The following ITGB8 variants were observed in gnomAD, a reference collection of about 807,000 sequenced individuals.
ITGB8 encodes the protein integrin subunit beta 8, also known as integrin beta-8.
ITGB8 carries 30 observed loss-of-function variants against 89.5 expected under a neutral mutation model. The ratio of observed to expected loss-of-function variants is 0.34; its 90% CI spans 0.25 to 0.45. ITGB8 has a LOEUF of 0.45. ITGB8 is among the 20% of genes least tolerant of loss of function. The pLI, the probability that ITGB8 is intolerant of heterozygous loss-of-function variation, is 1.00. For missense variants in ITGB8, 836 were observed against 933.3 expected, an observed-to-expected ratio of 0.90 and a Z score of 1.36; for synonymous variants, 335 against 320.4, an observed-to-expected ratio of 1.05 and a Z score of -0.49.
intron 3 of ITGB8, chr7:20,377,497 G>A (rs1315893684): frequency 5.3e-5 from 8 of 152,128 alleles, no homozygotes; most frequent in African/African-American, 1.2e-4. Context: ...ACTTCTCATC[G>A]ATCTGGCCCA....
chr7:20,332,489 G>A (rs547806595), intron 1 of ITGB8, among the ~76,000 whole-genome samples: 1 of 88,000 alleles, frequency 1.1e-5, no homozygotes, highest in African/African-American at 6.9e-5. Flanking sequence ...TCATCCTTTC[G>A]GCTTAAAAAA....
intron 10 of ITGB8, 72 bp from the exon 11 acceptor site, chr7:20,404,556 A>C: frequency 1.6e-6 from 2 of 1,262,764 alleles, no homozygotes; most frequent in East Asian, 2.5e-5. Flanking sequence ...ATGATACAGG[A>C]ATCCATGGTT....
intron 1 of ITGB8, among the ~76,000 whole-genome samples, chr7:20,342,457 A>G (rs6461491): frequency 0.93 from 141,617 of 152,294 alleles, 65,971 homozygotes; most frequent in East Asian, 0.99. Flanking sequence ...CTAGGCCTCT[A>G]AGGATGCTGT....
rs1787811526 is a variant in ITGB8 at position 20,412,863 on chromosome 7, A to G, written c.*2866A>G. 6.6e-6 allele frequency: 1 copy of G among 152,624 alleles called. No homozygotes were observed. Among genetic ancestry groups the G allele is most frequent in the African/African-American group, 2.4e-5 (1 of 41,458 alleles). 9.5% of individuals were successfully genotyped at this position (152,624 alleles called of 1,614,324 possible). On this transcript the variant is annotated 3_prime_UTR_variant, in exon 14 of 14. Coordinates refer to ENST00000222573, the MANE Select transcript of ITGB8 (RefSeq NM_002214.3). ...TAGGTTAAATAATGTATGCAAATAGAGTCTATTTTCAACTAATATGGCCAC... is the reference window on the plus strand; with the variant it reads ...TAGGTTAAATAATGTATGCAAATAGGGTCTATTTTCAACTAATATGGCCAC...
chr7:20,415,515 G>A lies in ITGB8; in HGVS notation c.*5518G>A, dbSNP rs1271298748. On this transcript the variant is annotated 3_prime_UTR_variant, in exon 14 of 14. Coordinates refer to ENST00000222573, the MANE Select transcript of ITGB8 (RefSeq NM_002214.3). ...GTCTTAAATGATACAGAATATTGGA[G>A]AATATGATACTTTCACATAATATAC... The A allele has an allele frequency of 6.6e-6, 1 of 152,448 alleles. No individual in the cohort carries two copies. The highest frequency in any genetic ancestry group is 1.5e-5 in the Non-Finnish European group (1 of 67,950). 9.4% of individuals were successfully genotyped at this position (152,448 alleles called of 1,614,324 possible). A position where few individuals can be genotyped will look rare whatever the true frequency, so the allele number is the denominator to read the frequency against.
intron 2 of ITGB8, among the ~76,000 whole-genome samples, chr7:20,364,075 C>T (rs552968330): frequency 9.8e-4 from 149 of 152,152 alleles, no homozygotes; most frequent in Non-Finnish European, 1.7e-3. Flanking sequence ...GTTATGTATC[C>T]TGTTGTTCAA....
chr7:20,366,916 TATAAA>T (rs1785720379), intron 2 of ITGB8, 91 bp from the exon 3 acceptor site: 2 of 798,814 alleles, frequency 2.5e-6, no homozygotes, highest in Non-Finnish European at 4.0e-6. Flanking sequence ...ATTAAAATGA[TATAAA>T]ATACCAAAAA....
Position 20,411,056 on chromosome 7 carries a change from A to T in ITGB8, c.*1059A>T, listed in dbSNP as rs1787742424. 1 of 152,110 alleles carries T rather than the reference A, an allele frequency of 6.6e-6. No individual in the cohort carries two copies. Among genetic ancestry groups the T allele is most frequent in the Admixed American group, 6.5e-5 (1 of 15,270 alleles). The allele number at this position is 152,110 out of a possible 1,614,324, so 9.4% of individuals were successfully genotyped here. On this transcript the variant is annotated 3_prime_UTR_variant, in exon 14 of 14. Coordinates refer to ENST00000222573, the MANE Select transcript of ITGB8 (RefSeq NM_002214.3). Reference sequence around the variant, plus strand: ...TATCTTCTCCCTTCAAGGCAGCCTAAGGATGTTCTTTCCCAGAATCACTCC... The same window carrying T: ...TATCTTCTCCCTTCAAGGCAGCCTATGGATGTTCTTTCCCAGAATCACTCC...
chr7:20,414,557 G>A lies in ITGB8; in HGVS notation c.*4560G>A, dbSNP rs1197982804. 2 of 152,422 alleles carry A rather than the reference G, an allele frequency of 1.3e-5. No homozygotes were observed. The highest frequency in any genetic ancestry group is 6.6e-5 in the Admixed American group (1 of 15,252). 9.4% of individuals were successfully genotyped at this position (152,422 alleles called of 1,614,324 possible). On this transcript the variant is annotated 3_prime_UTR_variant, in exon 14 of 14. Coordinates refer to ENST00000222573, the MANE Select transcript of ITGB8 (RefSeq NM_002214.3). Reference sequence around the variant, plus strand: ...GGTTTTGCAGCATCTTACATGTCTTGTATCAATGGCAGGAGAAAAATATGA... The same window carrying A: ...GGTTTTGCAGCATCTTACATGTCTTATATCAATGGCAGGAGAAAAATATGA...
chr7:20,356,970 A>G (rs914723011), intron 1 of ITGB8, among the ~76,000 whole-genome samples: 2 of 152,194 alleles, frequency 1.3e-5, no homozygotes, highest in African/African-American at 2.4e-5. Context: ...GCATCATCAA[A>G]AACAAAGAAT....
chr7:20,340,016 C>T (rs1055215716), intron 1 of ITGB8, among the ~76,000 whole-genome samples: 2 of 152,066 alleles, frequency 1.3e-5, no homozygotes, highest in Admixed American at 6.5e-5. Flanking sequence ...AGAGAAAAAG[C>T]GAGACTTTGT....
In ITGB8 at chr7:20,412,698, T is replaced by G. The variant is rs1037672956; in HGVS notation, c.*2701T>G. ...TGTGCTTATCTTTTTTGTTTTTACT[T>G]AAAAAGCTAATTTTTAAAGATTGTA... On this transcript the variant is annotated 3_prime_UTR_variant, in exon 14 of 14. Coordinates refer to ENST00000222573, the MANE Select transcript of ITGB8 (RefSeq NM_002214.3). 6.6e-6 allele frequency: 1 copy of G among 152,628 alleles called. No homozygotes were observed. Among genetic ancestry groups the G allele is most frequent in the African/African-American group, 2.4e-5 (1 of 41,450 alleles). 9.5% of individuals were successfully genotyped at this position (152,628 alleles called of 1,614,324 possible). A position where few individuals can be genotyped will look rare whatever the true frequency, so the allele number is the denominator to read the frequency against.
rs544767584 is a variant in ITGB8, at chr7:20,409,272, C to G, written c.2024-343C>G. Among the ~76,000 whole-genome samples, 4 of 152,318 alleles carry G rather than the reference C, an allele frequency of 2.6e-5. No homozygotes were observed. The East Asian group carries it at 7.7e-4, about 29-fold the overall frequency. ...AGTACGTACCACAAAAACTAGTCCT[C>G]TTTCTGTCTTGGATCAAATTATGCT... On this transcript the variant is annotated intron_variant, in intron 12 of 13. Coordinates refer to ENST00000222573, the MANE Select transcript of ITGB8 (RefSeq NM_002214.3).
At chr7:20,333,296 G>A (rs10256849) in intron 1 of ITGB8, among the ~76,000 whole-genome samples, 34,902 of 152,052 alleles carry the variant, frequency 0.23, 4,986 homozygotes, top group Non-Finnish European at 0.32. Flanking sequence ...TTTTTGGCTT[G>A]TTTGTTGATT....
intron 3 of ITGB8, among the ~76,000 whole-genome samples, chr7:20,369,210 G>A (rs1009302154): frequency 3.3e-5 from 5 of 152,114 alleles, no homozygotes; most frequent in African/African-American, 4.8e-5. Context: ...TGCACATGAA[G>A]TAAATAGGAA....
chr7:20,409,662 A>T lies in ITGB8; in HGVS notation c.2071A>T (p.Ile691Leu). The part of the protein sequence containing the change: ...SYLRIFFIIF[I>L]VTFLIGLLKV... ...CTTGAGAATATTTTTCATCATTTTCATAGTTACATTCTTGATTGGGTTGCT... is the reference window on the plus strand; with the variant it reads ...CTTGAGAATATTTTTCATCATTTTCTTAGTTACATTCTTGATTGGGTTGCT... The change falls in exon 13 of 14, where the codon ATA (isoleucine) becomes TTA (leucine). Residue 691 changes from isoleucine (I) to leucine (L), a missense_variant. Coordinates refer to ENST00000222573, the MANE Select transcript of ITGB8 (RefSeq NM_002214.3). 6.2e-7 allele frequency: 1 copy of T among 1,610,966 alleles called. No individual in the cohort carries two copies. Among genetic ancestry groups the T allele is most frequent in the African/African-American group, 1.3e-5 (1 of 74,946 alleles).
intron 6 of ITGB8, among the ~76,000 whole-genome samples, chr7:20,389,305 T>TA (rs1786760263): frequency 6.6e-6 from 1 of 152,232 alleles, no homozygotes; most frequent in Non-Finnish European, 1.5e-5. Context: ...CCTGACTTTT[T>TA]AATGATCGCC....
intron 6 of ITGB8, among the ~76,000 whole-genome samples, chr7:20,386,653 A>G (rs1786640663): frequency 1.3e-5 from 2 of 152,112 alleles, no homozygotes; most frequent in South Asian, 4.2e-4. Flanking sequence ...TGCAAACAAT[A>G]TTTAGTAGGA....
At chr7:20,391,091 A>G (rs1786835585) in intron 6 of ITGB8, among the ~76,000 whole-genome samples, 1 of 152,028 alleles carries the variant, frequency 6.6e-6, no homozygotes, top group Admixed American at 6.6e-5. Flanking sequence ...CTGAATATTA[A>G]ATTATCTGTC....
Sources: allele counts gnomAD v4.1 joint callset (sites outside exome capture counted in the v4.1 genomes callset), GRCh38; gene constraint gnomAD v4.1.1; transcripts MANE v1.5; gene names NCBI Gene and HGNC (gene_info 2026-07-23, HGNC 2026-07-21).